The following SMURF2 variants were observed in gnomAD, a reference collection of about 807,000 sequenced individuals.
The protein encoded by SMURF2 is SMAD specific E3 ubiquitin protein ligase 2.
Under a neutral mutation model 109.6 loss-of-function variants are expected in SMURF2, and 48 were observed. That is an observed-to-expected ratio of 0.44 (90% CI 0.35 to 0.56). The LOEUF is 0.56. SMURF2 is among the 20% of genes least tolerant of loss of function. SMURF2 has a pLI of 0.01. For synonymous variants in SMURF2, 288 were observed against 317.1 expected (o/e 0.91, Z 0.97); for missense variants, 575 against 909.0 (o/e 0.63, Z 4.72).
intron 10 of SMURF2, among the ~76,000 whole-genome samples, chr17:64,567,104 C>T (rs1450214733): frequency 4.0e-5 from 6 of 151,870 alleles, no homozygotes; most frequent in African/African-American, 7.3e-5. Flanking sequence ...GTGATCTACC[C>T]GCCTCGGCCT....
chr17:64,547,251 G>A lies in SMURF2; in HGVS notation c.2071+349C>T, dbSNP rs1968970499. 6.6e-6 allele frequency among the ~76,000 whole-genome samples: 1 copy of A among 152,166 alleles called. No individual in the cohort carries two copies. The highest frequency in any genetic ancestry group is 1.5e-5 in the Non-Finnish European group (1 of 68,038). On this transcript the variant is annotated intron_variant, in intron 17 of 18. Transcript: ENST00000262435. The surrounding 1 kb of genome is among the most constrained non-coding windows in gnomAD (Gnocchi z 4.2). ...AAAGTAGAGGGGAGAGGCATCCCAG[G>A]CAGGTAAACGTTTCACCAGGTCAAG... is the stretch of plus-strand genomic sequence containing the variant.
At position 64,591,129 on chromosome 17, in the gene SMURF2, T is replaced by A. The variant is rs782735115; in HGVS notation, c.355A>T (p.Lys119Ter). ...GTATCATTGTCATTTGGCCCGAGTT[T>A]GCATAAATCCAACCTCTGATCTATT... ...DTGYQRLDLC[K>*]LGPNDNDTVR... The change falls in exon 5 of 19, where the codon AAA (lysine) becomes TAA (stop). Residue 119 changes from lysine (K) to a stop codon, truncating the protein, a stop_gained. Coordinates refer to ENST00000262435, the MANE Select transcript of SMURF2 (RefSeq NM_022739.4). LOFTEE classifies it high-confidence loss of function. 1 of 1,613,210 alleles carries A rather than the reference T, an allele frequency of 6.2e-7. No homozygotes were observed. Among genetic ancestry groups the A allele is most frequent in the Non-Finnish European group, 8.5e-7 (1 of 1,179,622 alleles).
At chr17:64,651,767 A>T (rs1212308670) in intron 1 of SMURF2, among the ~76,000 whole-genome samples, 1 of 151,686 alleles carries the variant, frequency 6.6e-6, no homozygotes, top group Non-Finnish European at 1.5e-5. Context: ...TACAAAAAAT[A>T]AAAAAATTAG....
At chr17:64,602,754 A>G (rs1969915337) in intron 2 of SMURF2, among the ~76,000 whole-genome samples, 1 of 152,088 alleles carries the variant, frequency 6.6e-6, no homozygotes, top group South Asian at 2.1e-4. Context: ...CGGTGCAACC[A>G]CATCTCTACT....
At chr17:64,569,081 T>G (rs1969359562) in intron 10 of SMURF2, among the ~76,000 whole-genome samples, 1 of 151,874 alleles carries the variant, frequency 6.6e-6, no homozygotes, top group African/African-American at 2.4e-5. Context: ...GCAGATCACC[T>G]GAGGTGTCAA....
intron 16 of SMURF2, 56 bp downstream of exon 16, chr17:64,551,528 A>G: frequency 6.3e-7 from 1 of 1,575,154 alleles, no homozygotes; most frequent in Admixed American, 1.7e-5. Context: ...AAGTAACAAA[A>G]TAATTCCCAA....
intron 1 of SMURF2, among the ~76,000 whole-genome samples, chr17:64,645,188 G>A (rs1466926898): frequency 6.6e-6 from 1 of 152,072 alleles, no homozygotes; most frequent in African/African-American, 2.4e-5. Context: ...TGGTATGATG[G>A]GAAGGCTAGG....
chr17:64,629,326 C>T (rs1331317159), intron 1 of SMURF2, among the ~76,000 whole-genome samples: 2 of 152,076 alleles, frequency 1.3e-5, no homozygotes, highest in Non-Finnish European at 2.9e-5. Context: ...CATAGTGAGA[C>T]CCTGTCTCTA....
intron 1 of SMURF2, among the ~76,000 whole-genome samples, chr17:64,650,279 C>T (rs1970618964): frequency 6.6e-6 from 1 of 150,924 alleles, no homozygotes; most frequent in Admixed American, 6.6e-5. Flanking sequence ...TCAAGCAATC[C>T]TCCAGTCTCA....
chr17:64,542,834 C>G lies in SMURF2; in HGVS notation c.*3014G>C, dbSNP rs538830036. ...AAGAAAAAAAGGCTTGGTAAAAAAC[C>G]CATTCGGGGCAACAAACTATGTGCA... is the stretch of plus-strand genomic sequence containing the variant. On this transcript the variant is annotated 3_prime_UTR_variant, in exon 19 of 19. Transcript: ENST00000262435. 14 of 152,244 alleles carry G rather than the reference C, an allele frequency of 9.2e-5. No homozygotes were observed. The highest frequency in any genetic ancestry group is 1.9e-4 in the Non-Finnish European group (13 of 68,030). 9.4% of individuals were successfully genotyped at this position (152,244 alleles called of 1,614,324 possible). A position where few individuals can be genotyped will look rare whatever the true frequency, so the allele number is the denominator to read the frequency against.
At chr17:64,593,903 T>C (rs1193432948) in intron 3 of SMURF2, 10 of 164,760 alleles carry the variant, frequency 6.1e-5, no homozygotes, top group Non-Finnish European at 2.6e-5. Flanking sequence ...AAAACTTTTA[T>C]CACAGTCACA....
At chr17:64,611,379 C>T (rs541029568) in intron 1 of SMURF2, among the ~76,000 whole-genome samples, 5 of 152,168 alleles carry the variant, frequency 3.3e-5, no homozygotes, top group East Asian at 3.9e-4. Context: ...TCATAAAACC[C>T]GATCCTTAGT....
chr17:64,559,288 T>G (rs779295958), intron 12 of SMURF2, among the ~76,000 whole-genome samples: 1 of 152,026 alleles, frequency 6.6e-6, no homozygotes, highest in Non-Finnish European at 1.5e-5. Context: ...ACCCTGACAG[T>G]AGTAAGGTTA....
At position 64,606,644 on chromosome 17, in the gene SMURF2, TAA is replaced by T. The variant is rs781876772; in HGVS notation, c.53-6_53-5del. ...ACCAGGTTTTTTGCACAGAGTACTG[TAA>T]AAAAAAAAAACAAAAAATACATGGG... On this transcript the variant is annotated splice_polypyrimidine_tract_variant and splice_region_variant and intron_variant, in intron 1 of 18. Coordinates refer to ENST00000262435, the MANE Select transcript of SMURF2 (RefSeq NM_022739.4). The T allele has an allele frequency of 1.4e-4, 176 of 1,216,700 alleles. No individual in the cohort carries two copies. Among genetic ancestry groups the T allele is most frequent in the Middle Eastern group, 4.1e-4 (2 of 4,854 alleles). The allele number at this position is 1,216,700 out of a possible 1,614,324, so 75.4% of individuals were successfully genotyped here. A position where few individuals can be genotyped will look rare whatever the true frequency, so the allele number is the denominator to read the frequency against.
intron 1 of SMURF2, among the ~76,000 whole-genome samples, chr17:64,631,171 G>A (rs559824846): frequency 6.7e-6 from 1 of 149,532 alleles, no homozygotes; most frequent in African/African-American, 2.5e-5. Flanking sequence ...GTGTGGTGGC[G>A]TGTGCCTGTA....
At chr17:64,570,011 G>T (rs1228862899) in intron 10 of SMURF2, among the ~76,000 whole-genome samples, 3 of 152,162 alleles carry the variant, frequency 2.0e-5, no homozygotes, top group Non-Finnish European at 4.4e-5. Flanking sequence ...CAAGGTTTTA[G>T]AATCTTCTAT....
In SMURF2 at chr17:64,662,263, G is replaced by A. The variant is rs1970795121; in HGVS notation, c.-383C>T. On this transcript the variant is annotated 5_prime_UTR_variant, in exon 1 of 19. Coordinates refer to ENST00000262435, the MANE Select transcript of SMURF2 (RefSeq NM_022739.4). ...GGCGGTGCTCGGGGGCGCCGGAGCA[G>A]AACTCTGGGCTCGGCCGCTTCCTCC... 1.0e-6 allele frequency: 1 copy of A among 983,084 alleles called. No individual in the cohort carries two copies. Among genetic ancestry groups the A allele is most frequent in the Non-Finnish European group, 1.2e-6 (1 of 829,126 alleles). 60.9% of individuals were successfully genotyped at this position (983,084 alleles called of 1,614,324 possible).
In SMURF2 at chr17:64,577,282, T is replaced by C. The variant is rs982429777; in HGVS notation, c.857+1210A>G. The stretch of plus-strand genomic sequence containing the variant: ...ACATGGATGAAGCTGGAAACCATCA[T>C]TCTCAGCCAACTATCGCAAGGCCAA... On this transcript the variant is annotated intron_variant, in intron 9 of 18. Coordinates refer to ENST00000262435, the MANE Select transcript of SMURF2 (RefSeq NM_022739.4). 4.6e-5 allele frequency among the ~76,000 whole-genome samples: 7 copies of C among 151,888 alleles called. No individual in the cohort carries two copies. The East Asian group carries it at 1.4e-3, about 29-fold the overall frequency.
Position 64,598,420 on chromosome 17 carries a change from C to T in SMURF2, c.162G>A (p.Lys54=). 1 of 1,609,702 alleles carries T rather than the reference C, an allele frequency of 6.2e-7. No homozygotes were observed. The highest frequency in any genetic ancestry group is 2.2e-5 in the East Asian group (1 of 44,740). ...GATTCCACTTTGGATCAAGCGTATT[C>T]TTCACAGTATCTGTAGAATGGCATT... The part of the protein sequence containing the change: ...SGQCHSTDTV[K]NTLDPKWNQH... Residue 54 remains lysine (K), a synonymous_variant, in exon 3 of 19, where the codon AAG becomes AAA. Transcript: ENST00000262435.
Sources: allele counts gnomAD v4.1 joint callset (sites outside exome capture counted in the v4.1 genomes callset), GRCh38; gene constraint gnomAD v4.1.1; non-coding constraint Gnocchi (gnomAD v3.1); transcripts MANE v1.5; gene names NCBI Gene and HGNC (gene_info 2026-07-23, HGNC 2026-07-21).